Variants in ADGB observed in about 807,000 individuals in gnomAD.
ADGB encodes calpain-7-like protein.
Under a neutral mutation model 210.5 loss-of-function variants are expected in ADGB, and 172 were observed. That is an observed-to-expected ratio of 0.82 (90% CI 0.72 to 0.93). ADGB has a LOEUF of 0.93. ADGB is among the 40% of genes least tolerant of loss of function. The pLI, the probability that ADGB is intolerant of heterozygous loss-of-function variation, is 0.00. For missense variants in ADGB, 2,025 were observed against 1,964.8 expected, an observed-to-expected ratio of 1.03 and a Z score of -0.58; for synonymous variants, 658 against 662.7, an observed-to-expected ratio of 0.99 and a Z score of 0.11.
At chr6:146,753,752 C>T (rs1240900489) in intron 27 of ADGB, among the ~76,000 whole-genome samples, 1 of 151,608 alleles carries the variant, frequency 6.6e-6, no homozygotes, top group East Asian at 1.9e-4. Context: ...AGAATGAAAC[C>T]TATTTGGCCA....
intron 28 of ADGB, among the ~76,000 whole-genome samples, chr6:146,768,018 C>T (rs199630731): frequency 6.6e-6 from 1 of 152,120 alleles, no homozygotes; most frequent in East Asian, 1.9e-4. Context: ...CAGGAATTAA[C>T]CAAAAATATA....
chr6:146,614,219 C>CCCTTCCTT (rs57639198), intron 1 of ADGB, among the ~76,000 whole-genome samples: 4 of 48,544 alleles, frequency 8.2e-5, no homozygotes, highest in Non-Finnish European at 2.1e-4. Flanking sequence ...CTTCCTTCCT[C>CCCTTCCTT]CCTTCCTTCC....
Position 146,691,280 on chromosome 6 carries a change from T to C in ADGB, c.1476T>C (p.Asp492=). The change falls in exon 11 of 36, where the codon GAT becomes GAC. Residue 492 remains aspartate, a synonymous_variant. Transcript: ENST00000397944. ...AAAAAAAGGAAACTGTTATAACAGA[T>C]GAAGCTCAAGGTATGTATCACATCA... ...IRQKKETVIT[D]EAQELIVKKP... is the part of the protein sequence containing the mutation. 1.3e-6 allele frequency: 2 copies of C among 1,545,140 alleles called. No homozygotes were observed. Among genetic ancestry groups the C allele is most frequent in the Non-Finnish European group, 8.7e-7 (1 of 1,145,542 alleles).
At chr6:146,666,299 C>G (rs1279815694) in intron 6 of ADGB, among the ~76,000 whole-genome samples, 3 of 151,996 alleles carry the variant, frequency 2.0e-5, no homozygotes, top group Non-Finnish European at 4.4e-5. Flanking sequence ...TTACTTTATG[C>G]TAAGCTGACA....
rs1181408658 is a variant in ADGB, at chr6:146,599,063, A to G, written c.23A>G (p.Lys8Arg). The change falls in exon 1 of 36, where the codon AAG becomes AGG. Residue 8 changes from lysine to arginine, a missense_variant. Lys to Arg is a conservative substitution (Grantham distance 26). Transcript: ENST00000397944. MASKQTK[K>R]KEVHRINSAH... ...GCCATGGCCTCCAAACAAACCAAAA[A>G]GAAAGAGGTGCATCGTATCAACTCG... is the stretch of plus-strand genomic sequence containing the variant. The G allele has an allele frequency of 1.9e-6, 3 of 1,551,636 alleles. No individual in the cohort carries two copies. In the African/African-American group the frequency reaches 4.1e-5, roughly 21 times the overall value.
rs76560937 is a variant in ADGB, at chr6:146,635,716, T to G, written c.237+179T>G. Among the ~76,000 whole-genome samples, 865 of 152,128 alleles carry G rather than the reference T, an allele frequency of 5.7e-3. 2 individuals carry two copies. The highest frequency in any genetic ancestry group is 9.3e-3 in the Non-Finnish European group (629 of 67,964). On this transcript the variant is annotated intron_variant, in intron 2 of 35. Transcript: ENST00000397944. ...CCCACTTTGTCTTTCCAAGCCTTAG[T>G]CCTGAGCTTTGGTGAATCATATTTG...
At position 146,599,037 on chromosome 6, in the gene ADGB, T is replaced by A; in HGVS notation, c.-4T>A. 6.4e-7 allele frequency: 1 copy of A among 1,551,548 alleles called. No homozygotes were observed. ...GCTCAGCCCTACATAGATCGGCTTC[T>A]GCCATGGCCTCCAAACAAACCAAAA... is the stretch of plus-strand genomic sequence containing the variant. On this transcript the variant is annotated 5_prime_UTR_variant, in exon 1 of 36. Coordinates refer to ENST00000397944, the MANE Select transcript of ADGB (RefSeq NM_024694.4).
chr6:146,727,792 G>T (rs1163076298), intron 19 of ADGB, among the ~76,000 whole-genome samples: 1 of 152,158 alleles, frequency 6.6e-6, no homozygotes, highest in African/African-American at 2.4e-5. Context: ...GAAACTTTCT[G>T]TAGGCTTTGT....
At chr6:146,651,257 C>T (rs1437163452) in intron 3 of ADGB, among the ~76,000 whole-genome samples, 1 of 152,202 alleles carries the variant, frequency 6.6e-6, no homozygotes, top group Non-Finnish European at 1.5e-5. Flanking sequence ...CCCTGGCACA[C>T]TGCTGCAGGC....
chr6:146,611,733 G>A (rs774266295), intron 1 of ADGB, among the ~76,000 whole-genome samples: 1 of 152,014 alleles, frequency 6.6e-6, no homozygotes, highest in African/African-American at 2.4e-5. Flanking sequence ...CTTCTTGATG[G>A]CCTGGTCTCT....
At chr6:146,667,931 T>C (rs1242046584) in intron 7 of ADGB, among the ~76,000 whole-genome samples, 1 of 151,988 alleles carries the variant, frequency 6.6e-6, no homozygotes, top group African/African-American at 2.4e-5. Context: ...TCCCCCAAAC[T>C]AGGAACATGT....
chr6:146,764,081 G>A lies in ADGB; in HGVS notation c.3731G>A (p.Ser1244Asn), dbSNP rs1478725117. The A allele has an allele frequency of 6.5e-7, 1 of 1,548,148 alleles. No individual in the cohort carries two copies. Among genetic ancestry groups the A allele is most frequent in the African/African-American group, 1.4e-5 (1 of 72,894 alleles). The change falls in exon 28 of 36, where the codon AGT becomes AAT. Residue 1244 changes from serine (S) to asparagine (N), a missense_variant. By Grantham distance (46) the Ser-to-Asn change is conservative. Transcript: ENST00000397944. ...ETTSTPTREDSSSTPLQNYKY... is the reference protein window; with the variant it reads ...ETTSTPTREDNSSTPLQNYKY... The stretch of plus-strand genomic sequence containing the variant: ...ACCAGTACACCCACTAGAGAAGACA[G>A]TTCCAGCACACCACTGCAGGTATAT...
intron 2 of ADGB, among the ~76,000 whole-genome samples, chr6:146,640,934 A>G (rs146916263): frequency 2.4e-3 from 366 of 152,124 alleles, no homozygotes; most frequent in African/African-American, 8.6e-3. Context: ...TAGACAAAGA[A>G]ATAAAGCACA....
intron 7 of ADGB, among the ~76,000 whole-genome samples, chr6:146,668,681 AG>A (rs1775968443): frequency 6.6e-6 from 1 of 152,116 alleles, no homozygotes; most frequent in Non-Finnish European, 1.5e-5. Flanking sequence ...TCTGTGCAAT[AG>A]TCAGTAGAGA....
intron 1 of ADGB, 131 bp from the exon 2 acceptor site, chr6:146,635,244 G>T (rs2114858750): frequency 1.2e-6 from 1 of 802,344 alleles, no homozygotes; most frequent in South Asian, 5.1e-5. Context: ...CTAGCCACAA[G>T]TATGATTGTA....
At chr6:146,785,535 C>T in intron 31 of ADGB, 75 bp from the exon 32 acceptor site, 1 of 1,148,464 alleles carries the variant, frequency 8.7e-7, no homozygotes, top group Non-Finnish European at 1.2e-6. Context: ...CGATTGAATA[C>T]CATTAACATG....
chr6:146,688,704 G>T (rs2114919318), intron 10 of ADGB, among the ~76,000 whole-genome samples: 1 of 152,198 alleles, frequency 6.6e-6, no homozygotes, highest in Middle Eastern at 3.4e-3. Context: ...TTCCTGTCTT[G>T]CCTGCTGATT....
chr6:146,624,003 A>G (rs951803870), intron 1 of ADGB, among the ~76,000 whole-genome samples: 12 of 151,774 alleles, frequency 7.9e-5, no homozygotes, highest in Middle Eastern at 3.2e-3. Context: ...TTTTGCATCT[A>G]TGTTCATGAG....
At position 146,612,827 on chromosome 6, in the gene ADGB, G is replaced by C. The variant is rs550693996; in HGVS notation, c.74+13713G>C. ...CTCTCAGCAATCAGCTCTGCAACCA[G>C]CTTCAGCCCCTACCTACTCTCTACA... On this transcript the variant is annotated intron_variant, in intron 1 of 35. Coordinates refer to ENST00000397944, the MANE Select transcript of ADGB (RefSeq NM_024694.4). 6.9e-3 allele frequency among the ~76,000 whole-genome samples: 1,048 copies of C among 152,222 alleles called. 8 individuals are homozygous for C. The highest frequency in any genetic ancestry group is 0.023 in the African/African-American group (973 of 41,534).
Sources: gnomAD v4.1 joint callset for allele counts (sites outside exome capture counted in the v4.1 genomes callset) on GRCh38, gnomAD v4.1.1 for gene constraint, MANE v1.5 for transcripts, NCBI Gene and HGNC (gene_info 2026-07-23, HGNC 2026-07-21) for gene names.